CTNNA1: variants seen among roughly 807,000 people sequenced by gnomAD.
CTNNA1 encodes the protein catenin alpha-1.
Under a neutral mutation model 98.4 loss-of-function variants are expected in CTNNA1, and 37 were observed. The ratio of observed to expected loss-of-function variants is 0.38; its 90% CI spans 0.29 to 0.49. CTNNA1 has a LOEUF of 0.49. CTNNA1 is among the 20% of genes least tolerant of loss of function. The pLI is 0.95. For synonymous variants in CTNNA1, 404 were observed against 413.2 expected (o/e 0.98, Z 0.27); for missense variants, 761 against 1,147.2 (o/e 0.66, Z 4.86).
intron 7 of CTNNA1, among the ~76,000 whole-genome samples, chr5:138,883,004 A>G (rs957825566): frequency 6.6e-6 from 1 of 151,440 alleles, no homozygotes; most frequent in Non-Finnish European, 1.5e-5. Flanking sequence ...AATTTTTGTA[A>G]TTTTGTAATT....
intron 11 of CTNNA1, 64 bp downstream of exon 11, chr5:138,917,962 A>G: frequency 6.6e-7 from 1 of 1,511,370 alleles, no homozygotes; most frequent in Non-Finnish European, 9.1e-7. Context: ...TCTAAGTTGT[A>G]TTAATGGGCA....
chr5:138,867,110 C>CT (rs751656165), intron 7 of CTNNA1, among the ~76,000 whole-genome samples: 10 of 152,212 alleles, frequency 6.6e-5, no homozygotes, highest in Non-Finnish European at 1.0e-4. Context: ...GCTTTTAACT[C>CT]TATCAAGTAT....
intron 3 of CTNNA1, among the ~76,000 whole-genome samples, chr5:138,808,595 T>C (rs1350833985): frequency 6.6e-6 from 1 of 151,308 alleles, no homozygotes; most frequent in Non-Finnish European, 1.5e-5. Context: ...TGTGAGGCAA[T>C]TTTTCCCCCC....
intron 5 of CTNNA1, among the ~76,000 whole-genome samples, chr5:138,813,547 G>A (rs1759067967): frequency 6.6e-6 from 1 of 152,154 alleles, no homozygotes; most frequent in Non-Finnish European, 1.5e-5. Flanking sequence ...GTGGGAGTAG[G>A]GAATGGATTT....
intron 7 of CTNNA1, among the ~76,000 whole-genome samples, chr5:138,836,829 A>AT (rs1488913831): frequency 1.3e-5 from 2 of 152,234 alleles, no homozygotes; most frequent in African/African-American, 4.8e-5. Flanking sequence ...ACCTCTAAAT[A>AT]TATCAGATTA....
chr5:138,925,557 C>A, intron 13 of CTNNA1, 150 bp downstream of exon 13: 1 of 1,206,382 alleles, frequency 8.3e-7, no homozygotes, highest in Non-Finnish European at 1.1e-6. Flanking sequence ...TATTTAATTA[C>A]GTTGTCTAAA....
At chr5:138,822,242 A>G (rs983008416) in intron 5 of CTNNA1, among the ~76,000 whole-genome samples, 15 of 152,130 alleles carry the variant, frequency 9.9e-5, no homozygotes, top group Non-Finnish European at 7.4e-5. Context: ...ATGATCACCA[A>G]TTCTCTAAAT....
intron 7 of CTNNA1, chr5:138,828,078 A>G (rs1760905848): frequency 4.7e-6 from 1 of 212,030 alleles, no homozygotes; most frequent in African/African-American, 2.3e-5. Flanking sequence ...AGAAAGTTGT[A>G]GACATTGTGA....
chr5:138,855,608 AG>A (rs1305420076), intron 7 of CTNNA1, among the ~76,000 whole-genome samples: 1 of 152,216 alleles, frequency 6.6e-6, no homozygotes, highest in Non-Finnish European at 1.5e-5. Flanking sequence ...GGCACTTGCC[AG>A]GAGGTGTTTG....
chr5:138,791,810 A>C (rs1756410593), intron 3 of CTNNA1, among the ~76,000 whole-genome samples: 1 of 103,122 alleles, frequency 9.7e-6, no homozygotes, highest in Non-Finnish European at 1.9e-5. Context: ...TTTTTTTTAG[A>C]GAGGCAATTA....
chr5:138,905,143 A>C (rs1758959587), intron 10 of CTNNA1, among the ~76,000 whole-genome samples: 1 of 149,350 alleles, frequency 6.7e-6, no homozygotes, highest in Non-Finnish European at 1.5e-5. Context: ...TACAAAAATT[A>C]GCCCAACATG....
At chr5:138,833,053 C>G (rs1204400446) in intron 7 of CTNNA1, among the ~76,000 whole-genome samples, 1 of 152,142 alleles carries the variant, frequency 6.6e-6, no homozygotes, top group African/African-American at 2.4e-5. Context: ...TGGAACTAAA[C>G]TTGTCTCTGT....
rs1226737152 is a variant in CTNNA1 at position 138,785,348 on chromosome 5, A to G, written c.301+1976A>G. Among the ~76,000 whole-genome samples the G allele has an allele frequency of 3.3e-5, 5 of 152,012 alleles. No homozygotes were observed. The South Asian group carries it at 8.3e-4, about 25-fold the overall frequency. ...AGTGCTGGGATTACAGGCGTGAGCC[A>G]TCGCGCCCGGCCTAATTTATTTTAA... On this transcript the variant is annotated intron_variant, in intron 3 of 17. Transcript: ENST00000302763.
At chr5:138,893,993 C>G (rs1756118899) in intron 9 of CTNNA1, among the ~76,000 whole-genome samples, 3 of 152,268 alleles carry the variant, frequency 2.0e-5, no homozygotes, top group African/African-American at 7.2e-5. Context: ...TCTCTGCTCA[C>G]TGCAGGCTTC....
intron 7 of CTNNA1, among the ~76,000 whole-genome samples, chr5:138,879,615 C>G (rs1410323903): frequency 1.3e-5 from 2 of 152,130 alleles, no homozygotes; most frequent in African/African-American, 4.8e-5. Flanking sequence ...CCACCATACC[C>G]AGCTAATTAA....
chr5:138,874,052 C>T lies in CTNNA1; in HGVS notation c.1063-12160C>T, dbSNP rs750499875. 2.5e-6 allele frequency: 4 copies of T among 1,613,896 alleles called. No individual in the cohort carries two copies. Among genetic ancestry groups the T allele is most frequent in the Non-Finnish European group, 3.4e-6 (4 of 1,179,870 alleles). ...CCAGAACAGGCGTACTGGGATAGTC[C>T]GCAGGGAGTTGGAACGTAAATGCAA... is the stretch of plus-strand genomic sequence containing the variant. On this transcript the variant is annotated intron_variant, in intron 7 of 17. Coordinates refer to ENST00000302763, the MANE Select transcript of CTNNA1 (RefSeq NM_001903.5). The surrounding 1 kb of genome is among the most constrained non-coding windows in gnomAD (Gnocchi z 4.1).
intron 1 of CTNNA1, among the ~76,000 whole-genome samples, chr5:138,767,068 G>A (rs1032718357): frequency 2.6e-5 from 4 of 151,596 alleles, no homozygotes; most frequent in South Asian, 2.1e-4. Context: ...CAAGAGTCTC[G>A]CTCTGTCGTC....
chr5:138,874,850 T>C lies in CTNNA1; in HGVS notation c.1063-11362T>C. ...CTCATAAAATGTGAATTCGGTAGCT[T>C]ATTTTAAAAGCGTGATTCCTTGTTG... On this transcript the variant is annotated intron_variant, in intron 7 of 17. Coordinates refer to ENST00000302763, the MANE Select transcript of CTNNA1 (RefSeq NM_001903.5). This position sits in a 1 kb window ranked among gnomAD's most constrained non-coding sequence, Gnocchi z 4.1. The C allele has an allele frequency of 6.6e-7, 1 of 1,515,534 alleles. No individual in the cohort carries two copies. The highest frequency in any genetic ancestry group is 9.1e-7 in the Non-Finnish European group (1 of 1,102,462). 93.9% of individuals were successfully genotyped at this position (1,515,534 alleles called of 1,614,324 possible). A position where few individuals can be genotyped will look rare whatever the true frequency, so the allele number is the denominator to read the frequency against.
chr5:138,783,360 G>A lies in CTNNA1; in HGVS notation c.289G>A (p.Val97Ile). 1 of 1,613,176 alleles carries A rather than the reference G, an allele frequency of 6.2e-7. No individual in the cohort carries two copies. Among genetic ancestry groups the A allele is most frequent in the Non-Finnish European group, 8.5e-7 (1 of 1,179,418 alleles). Residue 97 changes from valine (V) to isoleucine (I), a missense_variant, in exon 3 of 18, where the codon GTT becomes ATT. Physicochemically the swap from Val to Ile is conservative, Grantham distance 29. Around this residue, in one of 6 missense-constraint regions of CTNNA1, gnomAD observed 328 missense variants for 354.3 expected, o/e 0.93. Transcript: ENST00000302763. Reference sequence around the variant, plus strand: ...GGAGCTTGTGGCTGCTGTAGAAGATGTTCGAAAACAAGGTAGGTCATTACT... The same window carrying A: ...GGAGCTTGTGGCTGCTGTAGAAGATATTCGAAAACAAGGTAGGTCATTACT... Reference protein sequence around the residue: ...KEELVAAVEDVRKQGDLMKAA... With the variant: ...KEELVAAVEDIRKQGDLMKAA...
Sources: allele counts gnomAD v4.1 joint callset (sites outside exome capture counted in the v4.1 genomes callset), GRCh38; gene constraint gnomAD v4.1.1; regional missense constraint gnomAD v4.1.1; non-coding constraint Gnocchi (gnomAD v3.1); transcripts MANE v1.5; gene names NCBI Gene and HGNC (gene_info 2026-07-23, HGNC 2026-07-21).